ANO5: variants seen among roughly 807,000 people sequenced by gnomAD.
ANO5 encodes the protein anoctamin-5.
ANO5 carries 109 observed loss-of-function variants against 121.0 expected under a neutral mutation model. That is an observed-to-expected ratio of 0.90 (90% CI 0.77 to 1.06). The LOEUF (loss-of-function observed/expected upper bound fraction) is 1.06, where lower values mean the gene tolerates loss of function less well. Among genes scored for constraint, ANO5 ranks in the 50% least tolerant of loss-of-function variants. ANO5 has a pLI of 0.00. For missense variants in ANO5, 1,064 were observed against 1,078.5 expected, an observed-to-expected ratio of 0.99 and a Z score of 0.19; for synonymous variants, 406 against 359.9, an observed-to-expected ratio of 1.13 and a Z score of -1.45.
chr11:22,233,791 C>T (rs1312238254), intron 7 of ANO5, among the ~76,000 whole-genome samples: 3 of 145,438 alleles, frequency 2.1e-5, no homozygotes, highest in African/African-American at 4.8e-5. Flanking sequence ...TTTCTCAAAA[C>T]ACTGTCATAA....
chr11:22,246,797 G>A lies in ANO5; in HGVS notation c.879-3440G>A, dbSNP rs1182257545. Among the ~76,000 whole-genome samples, 10 of 137,764 alleles carry A rather than the reference G, an allele frequency of 7.3e-5. No individual in the cohort carries two copies. In the Admixed American group the frequency reaches 7.3e-4, roughly 10 times the overall value. The allele number at this position is 137,764 out of a possible 152,430, so 90.4% of individuals were successfully genotyped here. The stretch of plus-strand genomic sequence containing the variant: ...CTTGAACCTGGGAAACAGAGGTTGC[G>A]ATGAGCCGAGATCGCACCACTACCC... On this transcript the variant is annotated intron_variant, in intron 9 of 21. Transcript: ENST00000324559.
At position 22,203,864 on chromosome 11, in the gene ANO5, A is replaced by G; in HGVS notation, c.87+14A>G. The G allele has an allele frequency of 7.0e-7, 1 of 1,431,444 alleles. No homozygotes were observed. Among genetic ancestry groups the G allele is most frequent in the Non-Finnish European group, 9.8e-7 (1 of 1,021,448 alleles). The allele number at this position is 1,431,444 out of a possible 1,614,324, so 88.7% of individuals were successfully genotyped here. ...CAAATGAGTGAGGTAAGTTAAATAT[A>G]TATGCATTAACTTCCTTATAAGTCA... On this transcript the variant is annotated intron_variant, in intron 2 of 21. Transcript: ENST00000324559.
intron 4 of ANO5, among the ~76,000 whole-genome samples, chr11:22,219,544 A>C (rs1051529997): frequency 2.1e-5 from 2 of 93,928 alleles, no homozygotes; most frequent in African/African-American, 6.1e-5. Context: ...ACTTAGAGAA[A>C]GAGGACTATT....
At chr11:22,221,823 T>C (rs558625448) in intron 5 of ANO5, among the ~76,000 whole-genome samples, 1 of 152,112 alleles carries the variant, frequency 6.6e-6, no homozygotes, top group South Asian at 2.1e-4. Context: ...TATACACATA[T>C]ATGTGTGTGT....
chr11:22,208,424 A>G (rs1433226045), intron 2 of ANO5, among the ~76,000 whole-genome samples: 1 of 152,042 alleles, frequency 6.6e-6, no homozygotes, highest in Non-Finnish European at 1.5e-5. Context: ...AAAAAATCTT[A>G]AAGGAACACA....
intron 2 of ANO5, among the ~76,000 whole-genome samples, chr11:22,207,760 A>G (rs1418029899): frequency 1.3e-5 from 2 of 152,104 alleles, no homozygotes; most frequent in Non-Finnish European, 2.9e-5. Flanking sequence ...ACTGGGATAA[A>G]TATTTGCATA....
rs886044259 is a variant in ANO5, at chr11:22,262,126, C to G, written c.1631-3C>G. On this transcript the variant is annotated splice_region_variant and splice_polypyrimidine_tract_variant and intron_variant, in intron 15 of 21. Transcript: ENST00000324559. Reference sequence around the variant, plus strand: ...CACTAAACATTTTTTTTTAACTTAACAGAAATTCCTCGAACATACCAGGAG... The same window carrying G: ...CACTAAACATTTTTTTTTAACTTAAGAGAAATTCCTCGAACATACCAGGAG... 1.9e-6 allele frequency: 3 copies of G among 1,612,902 alleles called. No individual in the cohort carries two copies. In the African/African-American group the frequency reaches 4.0e-5, roughly 22 times the overall value.
chr11:22,236,749 C>A (rs955368449), intron 8 of ANO5, among the ~76,000 whole-genome samples: 1 of 152,138 alleles, frequency 6.6e-6, no homozygotes, highest in Non-Finnish European at 1.5e-5. Context: ...TGAATCCAAG[C>A]TCATAGACTA....
chr11:22,245,093 C>T (rs1056129356), intron 9 of ANO5, among the ~76,000 whole-genome samples: 1 of 152,140 alleles, frequency 6.6e-6, no homozygotes, highest in African/African-American at 2.4e-5. Context: ...TTATTTGTAG[C>T]TGGATTCTTG....
chr11:22,233,866 C>T (rs1481556648), intron 7 of ANO5, among the ~76,000 whole-genome samples: 1 of 152,070 alleles, frequency 6.6e-6, no homozygotes, highest in Admixed American at 6.6e-5. Flanking sequence ...TGAGCATCCC[C>T]CAAAAAACTG....
chr11:22,211,420 C>T (rs112938771), intron 3 of ANO5, 106 bp downstream of exon 3: 4 of 1,283,986 alleles, frequency 3.1e-6, no homozygotes, highest in South Asian at 1.2e-5. Flanking sequence ...TTGACATGCT[C>T]TCATACATGG....
intron 8 of ANO5, 111 bp from the exon 9 acceptor site, chr11:22,239,453 AAAAGT>A: frequency 1.3e-6 from 1 of 743,050 alleles, no homozygotes; most frequent in Non-Finnish European, 2.4e-6. Context: ...TATGAAATCT[AAAAGT>A]AAAAGAAAAC....
intron 9 of ANO5, among the ~76,000 whole-genome samples, chr11:22,241,557 A>T (rs1853432686): frequency 6.6e-6 from 1 of 151,770 alleles, no homozygotes; most frequent in African/African-American, 2.4e-5. Flanking sequence ...CCACCATCTG[A>T]TATTTCTTGA....
intron 9 of ANO5, among the ~76,000 whole-genome samples, chr11:22,249,885 T>C (rs191555289): frequency 6.6e-6 from 1 of 152,194 alleles, no homozygotes; most frequent in South Asian, 2.1e-4. Flanking sequence ...TTGTAGAATA[T>C]TCTGTAGTTT....
At chr11:22,230,452 G>C (rs562019724) in intron 7 of ANO5, among the ~76,000 whole-genome samples, 10 of 152,036 alleles carry the variant, frequency 6.6e-5, no homozygotes, top group Admixed American at 1.3e-4. Flanking sequence ...ATATTTTACA[G>C]CTGGATTTTA....
rs756503555 is a variant in ANO5 at position 22,270,304 on chromosome 11, TC to T, written c.1899-6del. ...ATTTCATATATTAACTTTTATCACT[TC>T]CAACAGCTTGGCTTTGAATTGGTGG... On this transcript the variant is annotated splice_region_variant and splice_polypyrimidine_tract_variant and intron_variant, in intron 17 of 21. Coordinates refer to ENST00000324559, the MANE Select transcript of ANO5 (RefSeq NM_213599.3). The T allele has an allele frequency of 6.2e-7, 1 of 1,614,100 alleles. No homozygotes were observed. The highest frequency in any genetic ancestry group is 1.1e-5 in the South Asian group (1 of 91,090).
chr11:22,261,113 G>T (rs960788610), intron 15 of ANO5: 37 of 152,274 alleles, frequency 2.4e-4, no homozygotes, highest in African/African-American at 7.9e-4. Context: ...TTATAGCATG[G>T]CAGATAGTGT....
At position 22,276,101 on chromosome 11, in the gene ANO5, G is replaced by C. The variant is rs2133799821; in HGVS notation, c.2422G>C (p.Asp808His). 6.2e-7 allele frequency: 1 copy of C among 1,603,920 alleles called. No homozygotes were observed. The highest frequency in any genetic ancestry group is 1.3e-5 in the African/African-American group (1 of 74,618). Residue 808 changes from aspartate (D) to histidine (H), a missense_variant, in exon 21 of 22, where the codon GAT (aspartate) becomes CAT (histidine). By Grantham distance (81) the Asp-to-His change is moderately conservative. Coordinates refer to ENST00000324559, the MANE Select transcript of ANO5 (RefSeq NM_213599.3). ...KRDFITCRYR[D>H]YRYPPDDENK... The stretch of plus-strand genomic sequence containing the variant: ...TTTACTTCCACTTTTCAGGTACAGA[G>C]ATTACAGATATCCTCCTGATGACGA...
chr11:22,218,119 A>T lies in ANO5; in HGVS notation c.139-127A>T, dbSNP rs1405426827. On this transcript the variant is annotated intron_variant, in intron 3 of 21. Coordinates refer to ENST00000324559, the MANE Select transcript of ANO5 (RefSeq NM_213599.3). The stretch of plus-strand genomic sequence containing the variant: ...TGTATCCTCCAGTTTGAAATATCAC[A>T]CACACACACACACACACACACTTAT... The T allele has an allele frequency of 8.8e-5, 76 of 868,520 alleles. 1 individual carries two copies. The highest frequency in any genetic ancestry group is 4.8e-4 in the South Asian group (34 of 70,520). 53.8% of individuals were successfully genotyped at this position (868,520 alleles called of 1,614,324 possible). A position where few individuals can be genotyped will look rare whatever the true frequency, so the allele number is the denominator to read the frequency against.
Sources: allele counts gnomAD v4.1 joint callset (sites outside exome capture counted in the v4.1 genomes callset), GRCh38; gene constraint gnomAD v4.1.1; transcripts MANE v1.5; gene names NCBI Gene and HGNC (gene_info 2026-07-23, HGNC 2026-07-21).